Variants in GRIK1 observed in about 807,000 individuals in gnomAD.
GRIK1 encodes the protein glutamate ionotropic receptor kainate type subunit 1.
A neutral mutation model predicts 105.7 loss-of-function variants in GRIK1; 69 were observed. The observed-to-expected ratio is 0.65, with a 90% CI of 0.54 to 0.80. The LOEUF (loss-of-function observed/expected upper bound fraction) is 0.80. Ranked by LOEUF, GRIK1 falls within the 30% of genes least tolerant of loss-of-function variation. The pLI, the probability that GRIK1 is intolerant of heterozygous loss-of-function variation, is 0.00. For synonymous variants in GRIK1, 438 were observed against 431.3 expected, an observed-to-expected ratio of 1.02 and a Z score of -0.19; for missense variants, 1,109 against 1,167.3, an observed-to-expected ratio of 0.95 and a Z score of 0.73.
At chr21:29,803,657 C>T (rs746790143) in intron 1 of GRIK1, among the ~76,000 whole-genome samples, 2 of 152,066 alleles carry the variant, frequency 1.3e-5, no homozygotes, top group Non-Finnish European at 2.9e-5. Flanking sequence ...AGCTAACTTC[C>T]TAACTCTGTG....
intron 1 of GRIK1, among the ~76,000 whole-genome samples, chr21:29,919,002 C>G (rs917045212): frequency 6.6e-6 from 1 of 151,790 alleles, no homozygotes; most frequent in African/African-American, 2.4e-5. Context: ...AGCAACAGCT[C>G]TAAGCTACCA....
chr21:29,703,536 C>G (rs1240554334), intron 1 of GRIK1, among the ~76,000 whole-genome samples: 2 of 152,192 alleles, frequency 1.3e-5, no homozygotes, highest in African/African-American at 2.4e-5. Context: ...TCCAAGGCTA[C>G]AGATTTAAAT....
intron 16 of GRIK1, among the ~76,000 whole-genome samples, chr21:29,543,072 GAAAT>G (rs1322220777): frequency 6.6e-6 from 1 of 152,102 alleles, no homozygotes; most frequent in Non-Finnish European, 1.5e-5. Context: ...GACTATTAAA[GAAAT>G]AGTTTCCTGA....
intron 1 of GRIK1, among the ~76,000 whole-genome samples, chr21:29,831,226 C>A (rs2067627258): frequency 6.6e-6 from 1 of 152,120 alleles, no homozygotes; most frequent in Non-Finnish European, 1.5e-5. Flanking sequence ...GTTTGAGCAG[C>A]CCACTTGGTA....
chr21:29,822,351 G>A (rs565534322), intron 1 of GRIK1, among the ~76,000 whole-genome samples: 37 of 152,064 alleles, frequency 2.4e-4, no homozygotes, highest in Non-Finnish European at 4.4e-4. Flanking sequence ...TAGTAGCATG[G>A]ATGTTGTTGT....
chr21:29,624,453 T>C (rs1274750312), intron 7 of GRIK1, among the ~76,000 whole-genome samples: 1 of 152,182 alleles, frequency 6.6e-6, no homozygotes, highest in Non-Finnish European at 1.5e-5. Context: ...TTTACTCTTA[T>C]TAATCATGCC....
chr21:29,684,657 G>T (rs941164281), intron 3 of GRIK1, among the ~76,000 whole-genome samples: 1 of 152,032 alleles, frequency 6.6e-6, no homozygotes, highest in Non-Finnish European at 1.5e-5. Context: ...ACAGGCGCCC[G>T]CCACCACGCC....
intron 7 of GRIK1, among the ~76,000 whole-genome samples, chr21:29,609,356 C>T (rs1057420241): frequency 2.6e-5 from 4 of 152,050 alleles, no homozygotes; most frequent in African/African-American, 9.7e-5. Flanking sequence ...AAAATCAATA[C>T]AAATTTGTCC....
intron 7 of GRIK1, among the ~76,000 whole-genome samples, chr21:29,602,523 A>C (rs2146335454): frequency 6.6e-6 from 1 of 152,326 alleles, no homozygotes; most frequent in South Asian, 2.1e-4. Flanking sequence ...AGATTTGCAT[A>C]GAATATTGAG....
At chr21:29,800,022 G>C (rs1037906346) in intron 1 of GRIK1, among the ~76,000 whole-genome samples, 4 of 152,212 alleles carry the variant, frequency 2.6e-5, no homozygotes, top group Admixed American at 1.3e-4. Flanking sequence ...AAATGAGATT[G>C]TTGTACTGAG....
intron 1 of GRIK1, among the ~76,000 whole-genome samples, chr21:29,856,031 TAC>T (rs2068453265): frequency 6.6e-6 from 1 of 152,188 alleles, no homozygotes; most frequent in African/African-American, 2.4e-5. Flanking sequence ...TTCAGATTCA[TAC>T]GTAAACATCA....
At chr21:29,655,973 TA>T (rs952558148) in intron 4 of GRIK1, among the ~76,000 whole-genome samples, 4 of 152,194 alleles carry the variant, frequency 2.6e-5, no homozygotes, top group Non-Finnish European at 5.9e-5. Flanking sequence ...CAATTCTTTC[TA>T]AATATGAATA....
At position 29,853,653 on chromosome 21, in the gene GRIK1, G is replaced by GTCTGATTTCCTCCA. The variant is rs1233255153; in HGVS notation, c.118+85716_118+85729dup. On this transcript the variant is annotated intron_variant, in intron 1 of 17. Transcript: ENST00000327783. ...TCAACTGCATATGACTCATGGGAAT[G>GTCTGATTTCCTCCA]TCTGATTTCCTCCATTTATTAGCAT... is the stretch of plus-strand genomic sequence containing the variant. Among the ~76,000 whole-genome samples the GTCTGATTTCCTCCA allele has an allele frequency of 2.6e-5, 4 of 152,200 alleles. No individual in the cohort carries two copies. The East Asian group carries it at 7.7e-4, about 29-fold the overall frequency.
chr21:29,593,682 A>C (rs1330648547), intron 9 of GRIK1, among the ~76,000 whole-genome samples: 1 of 152,122 alleles, frequency 6.6e-6, no homozygotes, highest in Admixed American at 6.6e-5. Context: ...GGAGAAAATA[A>C]CTGTTTTTAG....
At chr21:29,595,352 T>C (rs1450257532) in intron 9 of GRIK1, among the ~76,000 whole-genome samples, 1 of 151,620 alleles carries the variant, frequency 6.6e-6, no homozygotes, top group Non-Finnish European at 1.5e-5. Context: ...TTTTTTTTTT[T>C]TTTTTCTTTT....
chr21:29,879,401 C>A (rs2069312718), intron 1 of GRIK1, among the ~76,000 whole-genome samples: 1 of 151,918 alleles, frequency 6.6e-6, no homozygotes, highest in South Asian at 2.1e-4. Flanking sequence ...TGAAAGGCAT[C>A]CAGAAGGGAC....
intron 1 of GRIK1, among the ~76,000 whole-genome samples, chr21:29,905,771 C>T (rs1208141737): frequency 6.7e-6 from 1 of 149,226 alleles, no homozygotes; most frequent in African/African-American, 2.5e-5. Flanking sequence ...GGACTACAGG[C>T]GCCCGCCACT....
At chr21:29,848,779 A>ATTTTTTTTTTTTTTTT (rs1555898508) in intron 1 of GRIK1, among the ~76,000 whole-genome samples, 1 of 77,882 alleles carries the variant, frequency 1.3e-5, no homozygotes, top group African/African-American at 5.8e-5. Flanking sequence ...ATATATATAT[A>ATTTTTTTTTTTTTTTT]TTTTTTTTTT....
At chr21:29,592,081 A>C (rs1349132323) in intron 9 of GRIK1, among the ~76,000 whole-genome samples, 1 of 152,162 alleles carries the variant, frequency 6.6e-6, no homozygotes, top group Non-Finnish European at 1.5e-5. Context: ...AAAAAGAGAA[A>C]GATAAATGAA....
Sources: gnomAD v4.1 joint callset for allele counts (sites outside exome capture counted in the v4.1 genomes callset) on GRCh38, gnomAD v4.1.1 for gene constraint, MANE v1.5 for transcripts, NCBI Gene and HGNC (gene_info 2026-07-23, HGNC 2026-07-21) for gene names.